DCUN1D5: variants seen among roughly 807,000 people sequenced by gnomAD.
DCUN1D5 encodes the protein defective in cullin neddylation 1 domain containing 5.
Under a neutral mutation model 38.3 loss-of-function variants are expected in DCUN1D5, and 10 were observed. The observed-to-expected ratio is 0.26, with a 90% confidence interval of 0.16 to 0.44. DCUN1D5 has a LOEUF of 0.44. Ranked by LOEUF, DCUN1D5 falls within the 20% of genes least tolerant of loss-of-function variation. DCUN1D5 has a pLI of 1.00. For synonymous variants in DCUN1D5, 93 were observed against 90.9 expected (o/e 1.02, Z -0.13); for missense variants, 148 against 275.3 (o/e 0.54, Z 3.27).
Position 103,091,579 on chromosome 11 carries a change from T to A in DCUN1D5, c.86+208A>T. ...CTTAACGTGGGCGGCTCTTCTAGTC[T>A]CTCCATAAACGCCAGCGTGCACACA... On this transcript the variant is annotated intron_variant, in intron 1 of 7. Coordinates refer to ENST00000260247, the MANE Select transcript of DCUN1D5 (RefSeq NM_032299.4). The surrounding 1 kb of genome is among the most constrained non-coding windows in gnomAD (Gnocchi z 4.3). The A allele has an allele frequency of 1.3e-6, 1 of 782,282 alleles. No homozygotes were observed. Among genetic ancestry groups the A allele is most frequent in the Non-Finnish European group, 2.0e-6 (1 of 491,708 alleles). 48.5% of individuals were successfully genotyped at this position (782,282 alleles called of 1,614,324 possible). A position where few individuals can be genotyped will look rare whatever the true frequency, so the allele number is the denominator to read the frequency against.
rs1424404451 is a variant in DCUN1D5, at chr11:103,062,194, T to C, written c.*165A>G. ...AAGAAGAGGTGTGGCTCAATGCCCATCACATGTAACAAGAAAAACCTCCTT... is the reference window on the plus strand; with the variant it reads ...AAGAAGAGGTGTGGCTCAATGCCCACCACATGTAACAAGAAAAACCTCCTT... On this transcript the variant is annotated 3_prime_UTR_variant, in exon 8 of 8. Coordinates refer to ENST00000260247, the MANE Select transcript of DCUN1D5 (RefSeq NM_032299.4). The surrounding 1 kb of genome is among the most constrained non-coding windows in gnomAD (Gnocchi z 4.6). 6.4e-6 allele frequency: 4 copies of C among 626,880 alleles called. No individual in the cohort carries two copies. Among genetic ancestry groups the C allele is most frequent in the East Asian group, 2.8e-5 (1 of 36,170 alleles). 38.8% of individuals were successfully genotyped at this position (626,880 alleles called of 1,614,324 possible). A position where few individuals can be genotyped will look rare whatever the true frequency, so the allele number is the denominator to read the frequency against.
chr11:103,083,047 A>C lies in DCUN1D5; in HGVS notation c.250-208T>G, dbSNP rs1418794769. On this transcript the variant is annotated intron_variant, in intron 3 of 7. Transcript: ENST00000260247. The surrounding 1 kb of genome is among the most constrained non-coding windows in gnomAD (Gnocchi z 4.4). ...AGTTCTAACAGTTTCTGAAGGTAGA[A>C]TCTCTTATTCTATTACATATAACAT... Among the ~76,000 whole-genome samples, 1 of 152,034 alleles carries C rather than the reference A, an allele frequency of 6.6e-6. No homozygotes were observed.
chr11:103,051,325 A>G lies in DCUN1D5; in HGVS notation c.*11034T>C, dbSNP rs1278893146. On this transcript the variant is annotated 3_prime_UTR_variant, in exon 8 of 8. Coordinates refer to ENST00000260247, the MANE Select transcript of DCUN1D5 (RefSeq NM_032299.4). ...TCCTTCAGGAAACTTTTTTAAAAAA[A>G]GATTTTCTGCATGGTTTATCTTGTG... 2 of 152,250 alleles carry G rather than the reference A, an allele frequency of 1.3e-5. No homozygotes were observed. The highest frequency in any genetic ancestry group is 4.8e-5 in the African/African-American group (2 of 41,472). The allele number at this position is 152,250 out of a possible 1,614,324, so 9.4% of individuals were successfully genotyped here. A position where few individuals can be genotyped will look rare whatever the true frequency, so the allele number is the denominator to read the frequency against.
chr11:103,072,167 T>C (rs535056991), intron 4 of DCUN1D5, among the ~76,000 whole-genome samples: 1 of 152,232 alleles, frequency 6.6e-6, no homozygotes, highest in South Asian at 2.1e-4. Context: ...AGATGCCTAC[T>C]CTTTCCACTC....
chr11:103,075,693 T>C (rs1315426490), intron 4 of DCUN1D5, among the ~76,000 whole-genome samples: 2 of 152,212 alleles, frequency 1.3e-5, no homozygotes, highest in African/African-American at 4.8e-5. Context: ...TGTTTTTATA[T>C]GTTATCCAGC....
rs540698574 is a variant in DCUN1D5 at position 103,089,090 on chromosome 11, AATC to A, written c.178+134_178+136del. The stretch of plus-strand genomic sequence containing the variant: ...GGCAACAAATTTTTAGTCTACCCAC[AATC>A]TTCAGTCCTGACCCTCATCCCAGTA... On this transcript the variant is annotated intron_variant, in intron 2 of 7. Transcript: ENST00000260247. 157 of 684,628 alleles carry A rather than the reference AATC, an allele frequency of 2.3e-4. No individual in the cohort carries two copies. The African/African-American group carries it at 2.6e-3, about 11-fold the overall frequency. 42.4% of individuals were successfully genotyped at this position (684,628 alleles called of 1,614,324 possible). A position where few individuals can be genotyped will look rare whatever the true frequency, so the allele number is the denominator to read the frequency against.
At position 103,058,077 on chromosome 11, in the gene DCUN1D5, T is replaced by C. The variant is rs1861919227; in HGVS notation, c.*4282A>G. Among the ~76,000 whole-genome samples the C allele has an allele frequency of 6.6e-6, 1 of 152,166 alleles. No individual in the cohort carries two copies. The highest frequency in any genetic ancestry group is 6.5e-5 in the Admixed American group (1 of 15,274). ...AACAAAGCTCCAATAAAATTGGCAT[T>C]ATAAGACAAGATTCAATACTTAGGT... On this transcript the variant is annotated 3_prime_UTR_variant, in exon 8 of 8. Transcript: ENST00000260247.
chr11:103,089,036 A>G (rs61897066), intron 2 of DCUN1D5, among the ~76,000 whole-genome samples, 191 bp downstream of exon 2: 13,293 of 152,236 alleles, frequency 0.087, 748 homozygotes, highest in Non-Finnish European at 0.12. Context: ...TATACCGAAT[A>G]TATATTTAAA....
intron 4 of DCUN1D5, among the ~76,000 whole-genome samples, chr11:103,081,481 A>G (rs748574333): frequency 2.0e-5 from 3 of 152,222 alleles, no homozygotes; most frequent in Non-Finnish European, 4.4e-5. Context: ...TGTATGGCAG[A>G]ATTCAGTCTT....
Position 103,086,638 on chromosome 11 carries a change from C to T in DCUN1D5, c.178+2589G>A, listed in dbSNP as rs2134635932. ...TCTTGCCTACATACCTGTTTACTGA[C>T]TGTCTTCCTCACCAGAAGGCAAGTC... On this transcript the variant is annotated intron_variant, in intron 2 of 7. Coordinates refer to ENST00000260247, the MANE Select transcript of DCUN1D5 (RefSeq NM_032299.4). The surrounding 1 kb of genome is among the most constrained non-coding windows in gnomAD (Gnocchi z 4.1). Among the ~76,000 whole-genome samples, 1 of 152,290 alleles carries T rather than the reference C, an allele frequency of 6.6e-6. No individual in the cohort carries two copies. The highest frequency in any genetic ancestry group is 1.5e-5 in the Non-Finnish European group (1 of 68,028).
chr11:103,080,426 A>G (rs1300590533), intron 4 of DCUN1D5, among the ~76,000 whole-genome samples: 1 of 152,176 alleles, frequency 6.6e-6, no homozygotes, highest in African/African-American at 2.4e-5. Flanking sequence ...GCAAGTTTTT[A>G]ATAAGAAAAT....
In DCUN1D5 at chr11:103,061,846, G is replaced by A. The variant is rs1462350758; in HGVS notation, c.*513C>T. On this transcript the variant is annotated 3_prime_UTR_variant, in exon 8 of 8. Transcript: ENST00000260247. ...GAGCATTTTTCCAATACCTAGAAATGTTTATTAGCTGCATCAGCAAATCAT... is the reference window on the plus strand; with the variant it reads ...GAGCATTTTTCCAATACCTAGAAATATTTATTAGCTGCATCAGCAAATCAT... 6.6e-6 allele frequency among the ~76,000 whole-genome samples: 1 copy of A among 152,022 alleles called. No homozygotes were observed. Among genetic ancestry groups the A allele is most frequent in the East Asian group, 1.9e-4 (1 of 5,188 alleles).
At chr11:103,084,746 T>C (rs1862654596) in intron 2 of DCUN1D5, among the ~76,000 whole-genome samples, 1 of 152,088 alleles carries the variant, frequency 6.6e-6, no homozygotes, top group Admixed American at 6.5e-5. Flanking sequence ...TCTTGGCACT[T>C]TGGGAGGCCG....
In DCUN1D5 at chr11:103,065,741, A is replaced by AT. The variant is rs1331626757; in HGVS notation, c.555+527dup. Among the ~76,000 whole-genome samples the AT allele has an allele frequency of 1.3e-5, 2 of 152,072 alleles. No individual in the cohort carries two copies. On this transcript the variant is annotated intron_variant, in intron 6 of 7. Coordinates refer to ENST00000260247, the MANE Select transcript of DCUN1D5 (RefSeq NM_032299.4). This position sits in a 1 kb window ranked among gnomAD's most constrained non-coding sequence, Gnocchi z 4.6. Reference sequence around the variant, plus strand: ...AGAACACGTCATCATTTCAGCTTACATTTTTTTAGTAACCAGCATATTTAA... The same window carrying AT: ...AGAACACGTCATCATTTCAGCTTACATTTTTTTTAGTAACCAGCATATTTAA...
Position 103,060,064 on chromosome 11 carries a change from T to C in DCUN1D5, c.*2295A>G, listed in dbSNP as rs548081015. Among the ~76,000 whole-genome samples the C allele has an allele frequency of 2.6e-5, 4 of 152,274 alleles. No homozygotes were observed. In the East Asian group the frequency reaches 7.7e-4, roughly 29 times the overall value. On this transcript the variant is annotated 3_prime_UTR_variant, in exon 8 of 8. Coordinates refer to ENST00000260247, the MANE Select transcript of DCUN1D5 (RefSeq NM_032299.4). ...AAATTTCCCAGTAAATTAAATGCTA[T>C]TCAAAATTAACAAAGGAAAGACAGG...
chr11:103,070,878 C>G (rs1862254508), intron 4 of DCUN1D5, among the ~76,000 whole-genome samples: 1 of 152,012 alleles, frequency 6.6e-6, no homozygotes, highest in Non-Finnish European at 1.5e-5. Flanking sequence ...TGTTCTCTGA[C>G]AACAATGGAA....
At position 103,065,828 on chromosome 11, in the gene DCUN1D5, T is replaced by C. The variant is rs796572136; in HGVS notation, c.555+441A>G. ...AAAATATTAATAGCTTTATTCTGTT[T>C]CTTTAGATTGAGCCTAAGTAGAAAA... On this transcript the variant is annotated intron_variant, in intron 6 of 7. Coordinates refer to ENST00000260247, the MANE Select transcript of DCUN1D5 (RefSeq NM_032299.4). This position sits in a 1 kb window ranked among gnomAD's most constrained non-coding sequence, Gnocchi z 4.6. 1.3e-5 allele frequency among the ~76,000 whole-genome samples: 2 copies of C among 152,298 alleles called. No individual in the cohort carries two copies. The highest frequency in any genetic ancestry group is 4.8e-5 in the African/African-American group (2 of 41,570).
rs1862708341 is a variant in DCUN1D5 at position 103,086,369 on chromosome 11, T to C, written c.178+2858A>G. Among the ~76,000 whole-genome samples the C allele has an allele frequency of 6.6e-6, 1 of 152,230 alleles. No homozygotes were observed. The highest frequency in any genetic ancestry group is 1.5e-5 in the Non-Finnish European group (1 of 68,034). On this transcript the variant is annotated intron_variant, in intron 2 of 7. Coordinates refer to ENST00000260247, the MANE Select transcript of DCUN1D5 (RefSeq NM_032299.4). This position sits in a 1 kb window ranked among gnomAD's most constrained non-coding sequence, Gnocchi z 4.1. ...ATTGTGCTAAGGGCTTTACATGTAT[T>C]ATTCTCAGTAGGCAAAATTATTGGC...
chr11:103,091,838 A>G lies in DCUN1D5; in HGVS notation c.35T>C (p.Val12Ala). ...TCCGTCTTCCGCTACTGCTGCTGCC[A>G]CCCCAGGGGATTTTCTCTTCTTCTT... ...PVKKKRKSPG[V>A]AAAVAEDGGL... Residue 12 changes from valine (V) to alanine (A), a missense_variant, in exon 1 of 8, where the codon GTG becomes GCG. Val to Ala is a moderately conservative substitution (Grantham distance 64). Coordinates refer to ENST00000260247, the MANE Select transcript of DCUN1D5 (RefSeq NM_032299.4). This position sits in a 1 kb window ranked among gnomAD's most constrained non-coding sequence, Gnocchi z 4.3. 1 of 1,613,722 alleles carries G rather than the reference A, an allele frequency of 6.2e-7. No homozygotes were observed.
Sources: gnomAD v4.1 joint callset for allele counts (sites outside exome capture counted in the v4.1 genomes callset) on GRCh38, gnomAD v4.1.1 for gene constraint, Gnocchi (gnomAD v3.1) non-coding constraint, MANE v1.5 for transcripts, NCBI Gene and HGNC (gene_info 2026-07-23, HGNC 2026-07-21) for gene names.